TMEM132B: variants seen among roughly 807,000 people sequenced by gnomAD.
TMEM132B encodes transmembrane protein 132B.
In TMEM132B, 18 loss-of-function variants were observed where a neutral mutation model predicts 90.8. The observed-to-expected ratio is 0.20, with a 90% CI of 0.14 to 0.29. The LOEUF (loss-of-function observed/expected upper bound fraction) is 0.29, where lower values mean the gene tolerates loss of function less well. Ranked by LOEUF, TMEM132B falls within the 10% of genes least tolerant of loss-of-function variation. TMEM132B has a pLI of 1.00. For synonymous variants in TMEM132B, 504 were observed against 523.3 expected (o/e 0.96, Z 0.50); for missense variants, 1,096 against 1,326.8 (o/e 0.83, Z 2.70).
At chr12:125,335,803 A>G (rs1419013174) in intron 1 of TMEM132B, among the ~76,000 whole-genome samples, 1 of 152,162 alleles carries the variant, frequency 6.6e-6, no homozygotes, top group Non-Finnish European at 1.5e-5. Flanking sequence ...CCTGGCTAAC[A>G]TGGCAAAACC....
chr12:125,398,674 T>C (rs143362219), intron 2 of TMEM132B, among the ~76,000 whole-genome samples: 108 of 152,322 alleles, frequency 7.1e-4, no homozygotes, highest in African/African-American at 2.5e-3. Context: ...TTATGTGAAA[T>C]TGTCTGATGC....
At chr12:125,434,744 T>G (rs1880651053) in intron 3 of TMEM132B, among the ~76,000 whole-genome samples, 1 of 152,244 alleles carries the variant, frequency 6.6e-6, no homozygotes, top group South Asian at 2.1e-4. Flanking sequence ...TCTGTGTTTT[T>G]TCACCATCCT....
chr12:125,234,548 C>G (rs538457131), intron 1 of TMEM132B, among the ~76,000 whole-genome samples: 1 of 152,168 alleles, frequency 6.6e-6, no homozygotes, highest in South Asian at 2.1e-4. Flanking sequence ...TGGGGCCCAA[C>G]GATCCATGTT....
chr12:125,457,824 T>C (rs1253564813), intron 3 of TMEM132B, among the ~76,000 whole-genome samples: 1 of 152,176 alleles, frequency 6.6e-6, no homozygotes, highest in Non-Finnish European at 1.5e-5. Flanking sequence ...TGTACCCGTC[T>C]AGGTGAACAT....
intron 5 of TMEM132B, among the ~76,000 whole-genome samples, chr12:125,619,752 C>G (rs1264836877): frequency 6.6e-6 from 1 of 152,188 alleles, no homozygotes; most frequent in African/African-American, 2.4e-5. Context: ...GGCTGCTGGA[C>G]AGGGGGATCC....
intron 3 of TMEM132B, among the ~76,000 whole-genome samples, chr12:125,417,205 A>G (rs1370101332): frequency 6.6e-6 from 1 of 151,738 alleles, no homozygotes; most frequent in African/African-American, 2.4e-5. Flanking sequence ...CGATATCCAA[A>G]GACTGGAAGG....
At chr12:125,279,005 A>G (rs1455573467) in intron 1 of TMEM132B, among the ~76,000 whole-genome samples, 1 of 152,294 alleles carries the variant, frequency 6.6e-6, no homozygotes, top group African/African-American at 2.4e-5. Context: ...GCACTGAGAA[A>G]GCTTCTGTGT....
intron 1 of TMEM132B, among the ~76,000 whole-genome samples, chr12:125,274,307 C>T (rs1321748426): frequency 6.6e-6 from 1 of 152,140 alleles, no homozygotes; most frequent in Non-Finnish European, 1.5e-5. Flanking sequence ...TGGGTTGTTG[C>T]CTGTCCTTTG....
rs867764343 is a variant in TMEM132B at position 125,582,954 on chromosome 12, G to A, written c.1294-897G>A. ...AGGAGAGAGAGTAAAAGGTGAGAAG[G>A]TCAGATCATTCCATGTCCATGAGTT... On this transcript the variant is annotated intron_variant, in intron 4 of 8. Coordinates refer to ENST00000682704, the MANE Select transcript of TMEM132B (RefSeq NM_001366854.1). 1.0e-3 allele frequency among the ~76,000 whole-genome samples: 155 copies of A among 152,054 alleles called. 15 individuals are homozygous for A. Among genetic ancestry groups the A allele is most frequent in the Non-Finnish European group, 8.8e-5 (6 of 68,032 alleles).
chr12:125,326,668 C>T (rs757107845), intron 1 of TMEM132B: 25 of 1,606,206 alleles, frequency 1.6e-5, no homozygotes, highest in East Asian at 9.0e-5. Flanking sequence ...CTGTCTGCAC[C>T]GGGGGAGGTC....
intron 1 of TMEM132B, among the ~76,000 whole-genome samples, chr12:125,253,572 C>G (rs1874363618): frequency 6.6e-6 from 1 of 151,886 alleles, no homozygotes; most frequent in Non-Finnish European, 1.5e-5. Context: ...GTAGCTGAGA[C>G]TACAGGTGTG....
At chr12:125,529,238 A>G (rs12370216) in intron 4 of TMEM132B, among the ~76,000 whole-genome samples, 29,668 of 151,910 alleles carry the variant, frequency 0.2, 3,294 homozygotes, top group Non-Finnish European at 0.26. Flanking sequence ...GCATGCCACC[A>G]TGCCTGGTTA....
chr12:125,520,919 G>A (rs150737563), intron 4 of TMEM132B, among the ~76,000 whole-genome samples: 3 of 152,304 alleles, frequency 2.0e-5, no homozygotes, highest in East Asian at 1.9e-4. Context: ...TTAGACTGAC[G>A]GAGATCATTC....
chr12:125,449,794 C>T (rs1006537681), intron 3 of TMEM132B, among the ~76,000 whole-genome samples: 6 of 151,924 alleles, frequency 3.9e-5, no homozygotes, highest in African/African-American at 1.5e-4. Context: ...ATCCTGGTGT[C>T]CTTGTAAGTA....
chr12:125,476,364 T>A (rs1181131653), intron 3 of TMEM132B, among the ~76,000 whole-genome samples: 7 of 152,212 alleles, frequency 4.6e-5, no homozygotes, highest in Non-Finnish European at 8.8e-5. Context: ...TTTGCTGATT[T>A]TAGATATTTC....
At position 125,366,380 on chromosome 12, in the gene TMEM132B, C is replaced by T. The variant is rs1000389789; in HGVS notation, c.959+16037C>T. 2.6e-5 allele frequency among the ~76,000 whole-genome samples: 4 copies of T among 152,102 alleles called. 1 individual carries two copies. Among genetic ancestry groups the T allele is most frequent in the Admixed American group, 2.6e-4 (4 of 15,264 alleles). On this transcript the variant is annotated intron_variant, in intron 2 of 8. Transcript: ENST00000682704. ...CTTTGATATGATGATTACCCACCAACAATGTAGGAGTGTTCCTCTTTCTCA... is the reference window on the plus strand; with the variant it reads ...CTTTGATATGATGATTACCCACCAATAATGTAGGAGTGTTCCTCTTTCTCA...
chr12:125,387,303 A>G (rs1410854598), intron 2 of TMEM132B, among the ~76,000 whole-genome samples: 1 of 152,178 alleles, frequency 6.6e-6, no homozygotes, highest in African/African-American at 2.4e-5. Flanking sequence ...AGCTAGAAAT[A>G]CTGGACCCTT....
chr12:125,298,504 T>C, intron 1 of TMEM132B, among the ~76,000 whole-genome samples: 1 of 151,360 alleles, frequency 6.6e-6, no homozygotes, highest in African/African-American at 2.4e-5. Context: ...TGAAACCCCG[T>C]CTCAAACAAA....
At chr12:125,384,492 A>C (rs1214162830) in intron 2 of TMEM132B, among the ~76,000 whole-genome samples, 1 of 152,276 alleles carries the variant, frequency 6.6e-6, no homozygotes, top group African/African-American at 2.4e-5. Context: ...TGATTAATTC[A>C]GATTAATAAA....
Sources: gnomAD v4.1 joint callset for allele counts (sites outside exome capture counted in the v4.1 genomes callset) on GRCh38, gnomAD v4.1.1 for gene constraint, MANE v1.5 for transcripts, NCBI Gene and HGNC (gene_info 2026-07-23, HGNC 2026-07-21) for gene names.